GPC6: variants seen among roughly 807,000 people sequenced by gnomAD.
GPC6 encodes glypican 6.
A neutral mutation model predicts 55.2 loss-of-function variants in GPC6; 14 were observed. That is an observed-to-expected ratio of 0.25 (90% CI 0.17 to 0.40). GPC6 has a LOEUF of 0.40. Ranked by LOEUF, GPC6 falls within the 10% of genes least tolerant of loss-of-function variation. The pLI is 1.00. For missense variants in GPC6, 641 were observed against 708.5 expected, an observed-to-expected ratio of 0.90 and a Z score of 1.08; for synonymous variants, 278 against 259.6, an observed-to-expected ratio of 1.07 and a Z score of -0.68.
At chr13:93,506,932 G>A (rs1211142452) in intron 1 of GPC6, among the ~76,000 whole-genome samples, 2 of 150,764 alleles carry the variant, frequency 1.3e-5, no homozygotes, top group Non-Finnish European at 3.0e-5. Context: ...GTGGCGGCGG[G>A]CGCCTGTAGT....
intron 1 of GPC6, among the ~76,000 whole-genome samples, chr13:93,506,954 G>C (rs1286908702): frequency 6.7e-6 from 1 of 150,090 alleles, no homozygotes; most frequent in Non-Finnish European, 1.5e-5. Flanking sequence ...CCAGCTACTC[G>C]GGAGGCTGAG....
chr13:93,220,541 A>T, the GPC6 span, among the ~76,000 whole-genome samples: 3 of 152,352 alleles, frequency 2.0e-5, no homozygotes, highest in South Asian at 2.1e-4. Flanking sequence ...TCTTACATTT[A>T]CATATCTGAT....
chr13:93,366,650 T>G (rs76773652), intron 1 of GPC6, among the ~76,000 whole-genome samples: 3,839 of 152,174 alleles, frequency 0.025, 176 homozygotes, highest in African/African-American at 0.087. Context: ...TGGGGAGTGT[T>G]AGGGGAAAGA....
At position 93,993,201 on chromosome 13, in the gene GPC6, C is replaced by T. The variant is rs1881387660; in HGVS notation, c.712-34528C>T. 2.6e-5 allele frequency among the ~76,000 whole-genome samples: 4 copies of T among 151,994 alleles called. No individual in the cohort carries two copies. In the South Asian group the frequency reaches 8.3e-4, roughly 32 times the overall value. On this transcript the variant is annotated intron_variant, in intron 3 of 8. Coordinates refer to ENST00000377047, the MANE Select transcript of GPC6 (RefSeq NM_005708.5). ...CTCTATATATGTACAACTACTTTTGCCATGTAAATAGATGTATTTGCATCC... is the reference window on the plus strand; with the variant it reads ...CTCTATATATGTACAACTACTTTTGTCATGTAAATAGATGTATTTGCATCC...
intron 3 of GPC6, among the ~76,000 whole-genome samples, chr13:93,846,243 A>G (rs1033357758): frequency 7.9e-5 from 12 of 152,176 alleles, no homozygotes; most frequent in Admixed American, 7.2e-4. Flanking sequence ...AATGTAATGC[A>G]AGCTAACAAA....
chr13:93,692,432 A>G (rs1423748713), intron 2 of GPC6, among the ~76,000 whole-genome samples: 2 of 152,142 alleles, frequency 1.3e-5, no homozygotes, highest in African/African-American at 2.4e-5. Context: ...GTTTAATTAC[A>G]GTTACATTGA....
chr13:93,463,592 G>A lies in GPC6; in HGVS notation c.161-81671G>A, dbSNP rs1479812173. ...AGAGTTTATTGTAGGTATCTCATTA[G>A]TAATTTTTAGCATGCCACTGTGTAC... is the stretch of plus-strand genomic sequence containing the variant. On this transcript the variant is annotated intron_variant, in intron 1 of 8. Transcript: ENST00000377047. Among the ~76,000 whole-genome samples, 4 of 152,288 alleles carry A rather than the reference G, an allele frequency of 2.6e-5. No homozygotes were observed. In the East Asian group the frequency reaches 5.8e-4, roughly 22 times the overall value.
At chr13:93,670,469 T>C (rs1881316359) in intron 2 of GPC6, among the ~76,000 whole-genome samples, 3 of 152,200 alleles carry the variant, frequency 2.0e-5, no homozygotes, top group African/African-American at 7.2e-5. Flanking sequence ...GGCATCATAA[T>C]GTATACACAT....
chr13:94,195,477 A>C (rs1388750829), intron 4 of GPC6, among the ~76,000 whole-genome samples: 1 of 152,246 alleles, frequency 6.6e-6, no homozygotes, highest in Non-Finnish European at 1.5e-5. Flanking sequence ...ATATCTAAAC[A>C]GTTGATTTTC....
chr13:93,909,095 T>C (rs1389999509), intron 3 of GPC6, among the ~76,000 whole-genome samples: 3 of 152,184 alleles, frequency 2.0e-5, no homozygotes, highest in African/African-American at 7.2e-5. Context: ...AGTGTCTTCT[T>C]TACCTATTTC....
intron 6 of GPC6, among the ~76,000 whole-genome samples, chr13:94,370,746 G>A (rs1024114090): frequency 6.6e-6 from 1 of 152,062 alleles, no homozygotes; most frequent in African/African-American, 2.4e-5. Context: ...AAAATATTCC[G>A]AATGATAAAC....
chr13:94,130,193 T>C (rs1886961437), intron 4 of GPC6, among the ~76,000 whole-genome samples: 1 of 152,172 alleles, frequency 6.6e-6, no homozygotes, highest in Non-Finnish European at 1.5e-5. Context: ...TTTTTCTTTT[T>C]TCAACAGAAG....
chr13:93,811,756 GGGAA>G (rs1886700608), intron 2 of GPC6, among the ~76,000 whole-genome samples: 2 of 152,066 alleles, frequency 1.3e-5, no homozygotes, highest in Non-Finnish European at 2.9e-5. Flanking sequence ...TAAATTAATT[GGGAA>G]GGAATTGCTG....
At chr13:93,717,830 A>C (rs1883305065) in intron 2 of GPC6, among the ~76,000 whole-genome samples, 1 of 151,590 alleles carries the variant, frequency 6.6e-6, no homozygotes, top group South Asian at 2.1e-4. Flanking sequence ...CTCATTGTTC[A>C]ACTCCCACAT....
At chr13:94,236,070 A>G (rs1890869637) in intron 4 of GPC6, among the ~76,000 whole-genome samples, 1 of 152,040 alleles carries the variant, frequency 6.6e-6, no homozygotes, top group South Asian at 2.1e-4. Flanking sequence ...TTGGCCTGAA[A>G]TTTTTCTTGG....
At chr13:94,401,200 A>G (rs1881114504) in intron 8 of GPC6, among the ~76,000 whole-genome samples, 2 of 152,216 alleles carry the variant, frequency 1.3e-5, no homozygotes, top group South Asian at 2.1e-4. Flanking sequence ...GCTGTATGCC[A>G]GGGGCCACTG....
At chr13:93,486,985 AC>A (rs1879742274) in intron 1 of GPC6, among the ~76,000 whole-genome samples, 1 of 152,030 alleles carries the variant, frequency 6.6e-6, no homozygotes, top group South Asian at 2.1e-4. Context: ...ACACAAAAAA[AC>A]AAAAAAACAA....
At chr13:94,303,325 G>A (rs2139107908) in intron 5 of GPC6, among the ~76,000 whole-genome samples, 1 of 152,244 alleles carries the variant, frequency 6.6e-6, no homozygotes, top group Non-Finnish European at 1.5e-5. Context: ...TGCCTAATTA[G>A]CATTTTAAGC....
intron 2 of GPC6, among the ~76,000 whole-genome samples, chr13:93,778,425 A>G (rs1402571664): frequency 6.6e-6 from 1 of 152,154 alleles, no homozygotes; most frequent in African/African-American, 2.4e-5. Flanking sequence ...TACACTCACT[A>G]ACTTGTTCAG....
Sources: gnomAD v4.1 joint callset for allele counts (sites outside exome capture counted in the v4.1 genomes callset) on GRCh38, gnomAD v4.1.1 for gene constraint, MANE v1.5 for transcripts, NCBI Gene and HGNC (gene_info 2026-07-23, HGNC 2026-07-21) for gene names.